Variants in JHY observed in about 807,000 individuals in gnomAD.
JHY encodes the protein jhy protein homolog.
In JHY, 69 loss-of-function variants were observed where a neutral mutation model predicts 78.0. That is an observed-to-expected ratio of 0.88 (90% CI 0.73 to 1.08). JHY has a LOEUF of 1.08. JHY is among the 50% of genes least tolerant of loss of function. The pLI, the probability that JHY is intolerant of heterozygous loss-of-function variation, is 0.00. For missense variants in JHY, 944 were observed against 927.8 expected (o/e 1.02, Z -0.23); for synonymous variants, 368 against 342.6 (o/e 1.07, Z -0.82).
chr11:122,940,144 C>G (rs941780572), intron 5 of JHY, among the ~76,000 whole-genome samples: 13 of 151,986 alleles, frequency 8.6e-5, no homozygotes, highest in African/African-American at 3.1e-4. Context: ...TCGAGACCAG[C>G]CTGGCCAACA....
At chr11:122,901,445 T>A (rs1862856179) in intron 2 of JHY, among the ~76,000 whole-genome samples, 1 of 123,116 alleles carries the variant, frequency 8.1e-6, no homozygotes. Context: ...GTAACTTTTT[T>A]ATTTTATATA....
intron 3 of JHY, among the ~76,000 whole-genome samples, chr11:122,910,383 A>G (rs1863087644): frequency 6.6e-6 from 1 of 151,744 alleles, no homozygotes; most frequent in Non-Finnish European, 1.5e-5. Context: ...GCCCATGAGA[A>G]TTGTCTGAGC....
rs761949174 is a variant in JHY at position 122,886,211 on chromosome 11, G to T, written c.344+18G>T. The T allele has an allele frequency of 6.3e-7, 1 of 1,585,986 alleles. No homozygotes were observed. The highest frequency in any genetic ancestry group is 8.6e-7 in the Non-Finnish European group (1 of 1,165,202). On this transcript the variant is annotated intron_variant, in intron 2 of 8. Transcript: ENST00000227349. ...AATAACAGGTAAGGAATTGGCTTGT[G>T]TAAGATAATAATGGGCTCTAAAATG...
chr11:122,910,904 T>A (rs1863106797), intron 3 of JHY, among the ~76,000 whole-genome samples: 1 of 152,186 alleles, frequency 6.6e-6, no homozygotes, highest in Non-Finnish European at 1.5e-5. Context: ...AAATCACCTT[T>A]GAATACATGA....
intron 5 of JHY, among the ~76,000 whole-genome samples, chr11:122,941,260 T>A (rs895835483): frequency 6.6e-6 from 1 of 152,210 alleles, no homozygotes; most frequent in Non-Finnish European, 1.5e-5. Flanking sequence ...TACCTGTACC[T>A]GAACCTCTTT....
chr11:122,894,485 G>A (rs1217455855), intron 2 of JHY, among the ~76,000 whole-genome samples: 1 of 152,150 alleles, frequency 6.6e-6, no homozygotes, highest in East Asian at 1.9e-4. Flanking sequence ...CTTGGAAAAT[G>A]TCTGGCATTA....
At chr11:122,938,612 G>C (rs1298570043) in intron 5 of JHY, among the ~76,000 whole-genome samples, 2 of 152,120 alleles carry the variant, frequency 1.3e-5, no homozygotes, top group African/African-American at 4.8e-5. Flanking sequence ...TGTCAGTGAT[G>C]TTTGTTTCTC....
At chr11:122,958,178 T>G (rs1402362046) in intron 8 of JHY, among the ~76,000 whole-genome samples, 1 of 152,216 alleles carries the variant, frequency 6.6e-6, no homozygotes, top group Non-Finnish European at 1.5e-5. Context: ...AACCATCAGT[T>G]GTGATGTGAA....
chr11:122,953,235 G>C (rs1021824975), intron 6 of JHY, among the ~76,000 whole-genome samples: 1 of 152,032 alleles, frequency 6.6e-6, no homozygotes, highest in Non-Finnish European at 1.5e-5. Flanking sequence ...AGAATGTTAT[G>C]CATAAAACTC....
At position 122,928,565 on chromosome 11, in the gene JHY, AAAC is replaced by A. The variant is rs1329094602; in HGVS notation, c.978+3558_978+3560del. ...CAAAAGATACGGGGAAAAAAAAAAA[AAAC>A]AAGCAAACAAACAACAACAAAAATT... On this transcript the variant is annotated intron_variant, in intron 4 of 8. Transcript: ENST00000227349. Among the ~76,000 whole-genome samples the A allele has an allele frequency of 1.8e-4, 28 of 151,694 alleles. No homozygotes were observed. The East Asian group carries it at 5.4e-3, about 29-fold the overall frequency.
At chr11:122,933,497 C>T (rs1863678426) in intron 4 of JHY, among the ~76,000 whole-genome samples, 1 of 152,172 alleles carries the variant, frequency 6.6e-6, no homozygotes, top group Non-Finnish European at 1.5e-5. Flanking sequence ...CATAGTGTAT[C>T]TATTATACCA....
chr11:122,911,765 C>T (rs912646050), intron 3 of JHY, among the ~76,000 whole-genome samples: 2 of 151,432 alleles, frequency 1.3e-5, no homozygotes, highest in Admixed American at 6.6e-5. Flanking sequence ...ATTAGCTGAG[C>T]GTGGTGGTGC....
At chr11:122,952,677 A>C (rs1864114025) in intron 6 of JHY, among the ~76,000 whole-genome samples, 3 of 152,228 alleles carry the variant, frequency 2.0e-5, no homozygotes, top group Admixed American at 2.0e-4. Context: ...TTATTCATGC[A>C]TCACAATGTG....
chr11:122,930,313 CAA>C (rs1299524292), intron 4 of JHY, among the ~76,000 whole-genome samples: 1 of 152,030 alleles, frequency 6.6e-6, no homozygotes, highest in African/African-American at 2.4e-5. Context: ...CTCCTGACCT[CAA>C]GTGATCCACC....
intron 6 of JHY, among the ~76,000 whole-genome samples, chr11:122,951,092 T>C (rs1017346900): frequency 2.0e-5 from 3 of 152,188 alleles, no homozygotes; most frequent in African/African-American, 7.2e-5. Context: ...ATCCAGGTCA[T>C]GGCCATTTGC....
intron 4 of JHY, among the ~76,000 whole-genome samples, chr11:122,934,109 T>C (rs1036159788): frequency 1.3e-5 from 2 of 152,032 alleles, no homozygotes; most frequent in Admixed American, 6.6e-5. Context: ...TCCCTGAAAT[T>C]AGGAAAAAAA....
intron 3 of JHY, among the ~76,000 whole-genome samples, chr11:122,916,298 A>G (rs1324333102): frequency 6.6e-6 from 1 of 152,218 alleles, no homozygotes; most frequent in Non-Finnish European, 1.5e-5. Flanking sequence ...TACCCCATAA[A>G]TATGTACAAA....
chr11:122,960,584 C>T lies in JHY; in HGVS notation c.*1139C>T. On this transcript the variant is annotated 3_prime_UTR_variant, in exon 9 of 9. Coordinates refer to ENST00000227349, the MANE Select transcript of JHY (RefSeq NM_024806.4). ...CCTATGTGCTCCAAACTGGGCTTAT[C>T]TTGTATGCTTTATCCAAAGAAATAT... is the stretch of plus-strand genomic sequence containing the variant. 1 of 264,380 alleles carries T rather than the reference C, an allele frequency of 3.8e-6. No homozygotes were observed. Among genetic ancestry groups the T allele is most frequent in the East Asian group, 8.4e-5 (1 of 11,918 alleles). 16.4% of individuals were successfully genotyped at this position (264,380 alleles called of 1,614,324 possible). A position where few individuals can be genotyped will look rare whatever the true frequency, so the allele number is the denominator to read the frequency against.
chr11:122,912,564 AACCTCGTCTCC>A (rs1372034014), intron 3 of JHY, among the ~76,000 whole-genome samples: 6 of 152,066 alleles, frequency 3.9e-5, no homozygotes, highest in Admixed American at 1.3e-4. Flanking sequence ...GTATTAGCTC[AACCTCGTCTCC>A]ACCAAAAAAT....
Sources: gnomAD v4.1 joint callset for allele counts (sites outside exome capture counted in the v4.1 genomes callset) on GRCh38, gnomAD v4.1.1 for gene constraint, MANE v1.5 for transcripts, NCBI Gene and HGNC (gene_info 2026-07-23, HGNC 2026-07-21) for gene names.